EXD3: variants seen among roughly 807,000 people sequenced by gnomAD.
EXD3 encodes the protein exonuclease mut-7 homolog.
EXD3 carries 92 observed loss-of-function variants against 98.0 expected under a neutral mutation model. The observed-to-expected ratio is 0.94, with a 90% CI of 0.79 to 1.12. The LOEUF (loss-of-function observed/expected upper bound fraction) is 1.12, where lower values mean the gene tolerates loss of function less well. EXD3 is among the 50% of genes most tolerant of loss of function. EXD3 has a pLI of 0.00. For synonymous variants in EXD3, 569 were observed against 526.0 expected, an observed-to-expected ratio of 1.08 and a Z score of -1.12; for missense variants, 1,222 against 1,191.6, an observed-to-expected ratio of 1.03 and a Z score of -0.38.
intron 1 of EXD3, among the ~76,000 whole-genome samples, chr9:137,404,301 C>T (rs533484412): frequency 6.6e-6 from 1 of 152,306 alleles, no homozygotes; most frequent in Non-Finnish European, 1.5e-5. Context: ...AGGCTCCCCA[C>T]GCCAGCTCTT....
intron 3 of EXD3, chr9:137,377,240 G>C (rs984040584): frequency 2.6e-5 from 4 of 152,172 alleles, no homozygotes; most frequent in African/African-American, 9.7e-5. Context: ...CTTGAGCTCA[G>C]GAGTTCAAGA....
chr9:137,374,423 C>G, intron 3 of EXD3: 1 of 378,552 alleles, frequency 2.6e-6, no homozygotes, highest in Non-Finnish European at 3.6e-6. Context: ...GAGCGTGGGC[C>G]GCGCTGTTCT....
At chr9:137,411,491 G>A (rs1249949159) in intron 1 of EXD3, among the ~76,000 whole-genome samples, 2 of 151,760 alleles carry the variant, frequency 1.3e-5, no homozygotes, top group East Asian at 1.9e-4. Context: ...CCCCTCCCTC[G>A]AAGCTTCGCC....
Position 137,354,059 on chromosome 9 carries a change from G to T in EXD3, c.870+280C>A. 3.3e-6 allele frequency: 4 copies of T among 1,215,966 alleles called. No individual in the cohort carries two copies. The South Asian group carries it at 1.1e-4, about 34-fold the overall frequency. 75.3% of individuals were successfully genotyped at this position (1,215,966 alleles called of 1,614,324 possible). A position where few individuals can be genotyped will look rare whatever the true frequency, so the allele number is the denominator to read the frequency against. On this transcript the variant is annotated intron_variant, in intron 10 of 21. Coordinates refer to ENST00000340951, the MANE Select transcript of EXD3 (RefSeq NM_017820.5). ...CTCTCAGCCCCCACCCGGCCCCACA[G>T]GCAGCTCCGCTGGGTTGGTTCGGGT...
chr9:137,370,614 A>AG (rs1266709655), intron 5 of EXD3, among the ~76,000 whole-genome samples: 1 of 150,840 alleles, frequency 6.6e-6, no homozygotes, highest in Non-Finnish European at 1.5e-5. Flanking sequence ...GAAAAAAAAA[A>AG]AAAAAAGAAA....
intron 2 of EXD3, among the ~76,000 whole-genome samples, chr9:137,390,808 G>A (rs966326426): frequency 1.9e-4 from 29 of 152,304 alleles, no homozygotes; most frequent in African/African-American, 7.0e-4. Flanking sequence ...GCAGGCGCCG[G>A]GCCAGGCCAG....
chr9:137,365,603 GCA>G (rs71387829), intron 7 of EXD3: 120,405 of 185,318 alleles, frequency 0.65, 40,048 homozygotes, highest in East Asian at 0.83. Context: ...GCACACACAT[GCA>G]CACACACGCA....
At position 137,407,571 on chromosome 9, in the gene EXD3, G is replaced by A. The variant is rs990617807; in HGVS notation, c.-47-12167C>T. 6.6e-6 allele frequency among the ~76,000 whole-genome samples: 1 copy of A among 152,178 alleles called. No homozygotes were observed. Among genetic ancestry groups the A allele is most frequent in the Non-Finnish European group, 1.5e-5 (1 of 68,024 alleles). On this transcript the variant is annotated intron_variant, in intron 1 of 21. Coordinates refer to ENST00000340951, the MANE Select transcript of EXD3 (RefSeq NM_017820.5). The surrounding 1 kb of genome is among the most constrained non-coding windows in gnomAD (Gnocchi z 4.4). ...ATCCCTTGGCTAAGGGAGGGTGACT[G>A]GTGGCCCGCAGGCCCTTCAGAGGGT...
intron 16 of EXD3, among the ~76,000 whole-genome samples, chr9:137,348,509 G>A: frequency 7.4e-6 from 1 of 135,796 alleles, no homozygotes; most frequent in Middle Eastern, 3.5e-3. Context: ...TCACGGGGAG[G>A]GGGCTAGATA....
chr9:137,330,118 G>T (rs932638314), intron 17 of EXD3, among the ~76,000 whole-genome samples: 1 of 107,418 alleles, frequency 9.3e-6, no homozygotes, highest in Non-Finnish European at 2.0e-5. Context: ...CTACACAGGA[G>T]CTACACAGGA....
intron 3 of EXD3, among the ~76,000 whole-genome samples, chr9:137,375,494 C>CCTAGCTCTAGTGAGTT (rs1835854294): frequency 6.6e-6 from 1 of 150,798 alleles, no homozygotes; most frequent in Non-Finnish European, 1.5e-5. Flanking sequence ...TCTAGTGAGT[C>CCTAGCTCTAGTGAGTT]CTAGCTCTAG....
chr9:137,309,755 A>G, intron 19 of EXD3, 55 bp from the exon 20 acceptor site: 2 of 1,353,908 alleles, frequency 1.5e-6, no homozygotes, highest in South Asian at 2.5e-5. Flanking sequence ...GGTGCCCCAT[A>G]CCCCAGCCCT....
At chr9:137,310,561 G>T (rs1831304230) in intron 19 of EXD3, among the ~76,000 whole-genome samples, 1 of 152,228 alleles carries the variant, frequency 6.6e-6, no homozygotes, top group South Asian at 2.1e-4. Flanking sequence ...CAACCTGCCA[G>T]GCTTACTGCG....
At chr9:137,354,200 C>T in intron 10 of EXD3, 139 bp downstream of exon 10, 1 of 1,467,858 alleles carries the variant, frequency 6.8e-7, no homozygotes, top group Non-Finnish European at 9.1e-7. Context: ...CAGCCACACG[C>T]CCCAACATGG....
intron 2 of EXD3, among the ~76,000 whole-genome samples, chr9:137,384,612 G>A (rs762833939): frequency 1.1e-4 from 16 of 152,196 alleles, no homozygotes; most frequent in Non-Finnish European, 2.2e-4. Flanking sequence ...AGGACCGGCC[G>A]ACAATGTGAT....
At chr9:137,411,616 G>A (rs1030636035) in intron 1 of EXD3, among the ~76,000 whole-genome samples, 1 of 151,498 alleles carries the variant, frequency 6.6e-6, no homozygotes, top group Non-Finnish European at 1.5e-5. Flanking sequence ...CAGGCCAGCG[G>A]CGGCCGTCAG....
chr9:137,313,794 G>C (rs112480919), intron 19 of EXD3, among the ~76,000 whole-genome samples: 28 of 152,320 alleles, frequency 1.8e-4, no homozygotes, highest in Middle Eastern at 3.4e-3. Flanking sequence ...TGGAGCAACA[G>C]GACATTTCTG....
intron 1 of EXD3, among the ~76,000 whole-genome samples, chr9:137,413,237 G>A (rs913841120): frequency 6.6e-5 from 10 of 151,592 alleles, no homozygotes; most frequent in African/African-American, 2.2e-4. Context: ...GTCTCACTCC[G>A]TCGCCCAGGC....
Position 137,393,742 on chromosome 9 carries a change from CCATGGCCCTGCCCCATGGAGGGG to C in EXD3, c.55+1538_55+1560del, listed in dbSNP as rs1187861502. Among the ~76,000 whole-genome samples the C allele has an allele frequency of 6.6e-6, 1 of 151,830 alleles. No individual in the cohort carries two copies. The highest frequency in any genetic ancestry group is 2.4e-5 in the African/African-American group (1 of 41,164). On this transcript the variant is annotated intron_variant, in intron 2 of 21. Transcript: ENST00000340951. This position sits in a 1 kb window ranked among gnomAD's most constrained non-coding sequence, Gnocchi z 4.6. Reference sequence around the variant, plus strand: ...AGCAGGGCTTTCACAGAGGGGAGGGCCATGGCCCTGCCCCATGGAGGGGCTGCCAGGCAGGGCATGTGTAGGGT... The same window carrying C: ...AGCAGGGCTTTCACAGAGGGGAGGGCCTGCCAGGCAGGGCATGTGTAGGGT...
Sources: gnomAD v4.1 joint callset for allele counts (sites outside exome capture counted in the v4.1 genomes callset) on GRCh38, gnomAD v4.1.1 for gene constraint, Gnocchi (gnomAD v3.1) non-coding constraint, MANE v1.5 for transcripts, NCBI Gene and HGNC (gene_info 2026-07-23, HGNC 2026-07-21) for gene names.